The following SORCS1 variants were observed in gnomAD, a reference collection of about 807,000 sequenced individuals.
SORCS1 encodes the protein VPS10 domain-containing receptor SorCS1.
Under a neutral mutation model 146.1 loss-of-function variants are expected in SORCS1, and 60 were observed. The ratio of observed to expected loss-of-function variants is 0.41; its 90% CI spans 0.33 to 0.51. The LOEUF (loss-of-function observed/expected upper bound fraction) is 0.51. SORCS1 is among the 20% of genes least tolerant of loss of function. The pLI is 0.21. For missense variants in SORCS1, 1,352 were observed against 1,487.6 expected, an observed-to-expected ratio of 0.91 and a Z score of 1.50; for synonymous variants, 637 against 584.0, an observed-to-expected ratio of 1.09 and a Z score of -1.31.
chr10:106,624,346 ATTTTTTTTTTTTTTTT>A (rs57785797), intron 19 of SORCS1, among the ~76,000 whole-genome samples: 12 of 69,406 alleles, frequency 1.7e-4, no homozygotes, highest in African/African-American at 7.1e-4. Context: ...GTCAATGACG[ATTTTTTTTTTTTTTTT>A]TTTTTTTTTT....
intron 1 of SORCS1, among the ~76,000 whole-genome samples, chr10:107,080,218 G>C (rs543930798): frequency 6.6e-6 from 1 of 152,276 alleles, no homozygotes; most frequent in East Asian, 1.9e-4. Context: ...TGCTTTGAGT[G>C]GCTGACATTA....
intron 6 of SORCS1, among the ~76,000 whole-genome samples, chr10:106,721,892 T>C (rs991180505): frequency 2.0e-5 from 3 of 152,198 alleles, no homozygotes; most frequent in Non-Finnish European, 2.9e-5. Context: ...AATTACTAAA[T>C]ATAGTTGACT....
chr10:106,585,655 G>A (rs1239340913), intron 24 of SORCS1, among the ~76,000 whole-genome samples: 2 of 152,166 alleles, frequency 1.3e-5, no homozygotes, highest in African/African-American at 4.8e-5. Context: ...AAAGGCAAGA[G>A]GTAAAATCTG....
intron 1 of SORCS1, among the ~76,000 whole-genome samples, chr10:106,989,670 G>GTTTTTTTTTTTTTTTT (rs1335278625): frequency 8.6e-6 from 1 of 116,450 alleles, no homozygotes; most frequent in African/African-American, 4.5e-5. Flanking sequence ...TATTTTTTCT[G>GTTTTTTTTTTTTTTTT]TTTTTTTTTG....
intron 1 of SORCS1, among the ~76,000 whole-genome samples, chr10:106,963,339 T>C (rs1955349894): frequency 6.6e-6 from 1 of 151,896 alleles, no homozygotes; most frequent in Admixed American, 6.6e-5. Flanking sequence ...ATGGTCTCGA[T>C]CTCCTGACCT....
intron 2 of SORCS1, among the ~76,000 whole-genome samples, chr10:106,832,713 A>G (rs1948605111): frequency 6.6e-6 from 1 of 152,202 alleles, no homozygotes; most frequent in Non-Finnish European, 1.5e-5. Flanking sequence ...GAAGAATGAA[A>G]CATGTAAATA....
chr10:106,655,212 A>C (rs889411897), intron 17 of SORCS1, among the ~76,000 whole-genome samples: 2 of 152,174 alleles, frequency 1.3e-5, no homozygotes, highest in Admixed American at 1.3e-4. Context: ...TATATGTAAA[A>C]GAGAAAATAA....
intron 1 of SORCS1, among the ~76,000 whole-genome samples, chr10:107,118,498 T>C (rs780015744): frequency 1.1e-4 from 16 of 152,242 alleles, no homozygotes; most frequent in Non-Finnish European, 1.9e-4. Flanking sequence ...TGGGCTTTAT[T>C]TTTTTCCTCC....
At chr10:106,751,776 T>C (rs1226188159) in intron 5 of SORCS1, among the ~76,000 whole-genome samples, 2 of 152,232 alleles carry the variant, frequency 1.3e-5, no homozygotes, top group African/African-American at 4.8e-5. Flanking sequence ...TCTGCGTTGA[T>C]GGATTTACAT....
intron 21 of SORCS1, among the ~76,000 whole-genome samples, chr10:106,614,448 G>T (rs1050788711): frequency 6.6e-6 from 1 of 152,134 alleles, no homozygotes; most frequent in South Asian, 2.1e-4. Context: ...ATTCCAAAGA[G>T]GTATTGTTCA....
intron 1 of SORCS1, among the ~76,000 whole-genome samples, chr10:107,023,851 G>A (rs970858074): frequency 6.6e-6 from 1 of 151,952 alleles, no homozygotes; most frequent in Admixed American, 6.6e-5. Flanking sequence ...TCACCTGGAA[G>A]GTCTTAGTTT....
chr10:106,993,468 G>A (rs1157963240), intron 1 of SORCS1, among the ~76,000 whole-genome samples: 2 of 152,070 alleles, frequency 1.3e-5, no homozygotes, highest in Non-Finnish European at 2.9e-5. Flanking sequence ...TAACTATCAA[G>A]GACACAAAGG....
intron 1 of SORCS1, among the ~76,000 whole-genome samples, chr10:107,127,144 T>C (rs926846796): frequency 3.9e-5 from 6 of 152,098 alleles, no homozygotes; most frequent in African/African-American, 7.2e-5. Flanking sequence ...TCATGTTACA[T>C]TGGCTTTTCA....
chr10:106,866,151 C>A (rs1425887200), intron 2 of SORCS1, among the ~76,000 whole-genome samples: 3 of 152,140 alleles, frequency 2.0e-5, no homozygotes, highest in Non-Finnish European at 4.4e-5. Flanking sequence ...GGACAGAGCC[C>A]CCAGGGGTAA....
At chr10:106,717,928 T>C (rs1278471833) in intron 6 of SORCS1, among the ~76,000 whole-genome samples, 1 of 152,220 alleles carries the variant, frequency 6.6e-6, no homozygotes, top group Non-Finnish European at 1.5e-5. Context: ...TTATTTCACT[T>C]TGTATCACAC....
intron 17 of SORCS1, 94 bp from the exon 18 acceptor site, chr10:106,652,647 C>A: frequency 1.4e-6 from 2 of 1,398,482 alleles, no homozygotes; most frequent in Non-Finnish European, 9.9e-7. Flanking sequence ...GCCCTGAGGA[C>A]CATCAGTAAG....
At chr10:107,077,321 G>C (rs992055294) in intron 1 of SORCS1, among the ~76,000 whole-genome samples, 1 of 151,956 alleles carries the variant, frequency 6.6e-6, no homozygotes, top group Non-Finnish European at 1.5e-5. Flanking sequence ...AAGGTTACCT[G>C]TTGTATACAT....
chr10:106,826,938 T>C (rs1231469640), intron 3 of SORCS1, among the ~76,000 whole-genome samples: 1 of 152,188 alleles, frequency 6.6e-6, no homozygotes. Flanking sequence ...AAAATGCCCA[T>C]GGCTAAATGC....
At chr10:106,596,903 G>A (rs780085372) in intron 24 of SORCS1, among the ~76,000 whole-genome samples, 2 of 152,180 alleles carry the variant, frequency 1.3e-5, no homozygotes, top group Non-Finnish European at 2.9e-5. Context: ...CCAGGTTGGA[G>A]TGCGGTGGCG....
Sources: allele counts gnomAD v4.1 joint callset (sites outside exome capture counted in the v4.1 genomes callset), GRCh38; gene constraint gnomAD v4.1.1; transcripts MANE v1.5; gene names NCBI Gene and HGNC (gene_info 2026-07-23, HGNC 2026-07-21).